The following EPB41L4B variants were observed in gnomAD, a reference collection of about 807,000 sequenced individuals.
EPB41L4B encodes the protein erythrocyte membrane protein band 4.1 like 4B, also known as band 4.1-like protein 4B.
In EPB41L4B, 30 loss-of-function variants were observed where a neutral mutation model predicts 112.5. The observed-to-expected ratio is 0.27, with a 90% CI of 0.20 to 0.36. The LOEUF (loss-of-function observed/expected upper bound fraction) is 0.36, where lower values mean the gene tolerates loss of function less well. Among genes scored for constraint, EPB41L4B ranks in the 10% least tolerant of loss-of-function variants. EPB41L4B has a pLI of 1.00. For missense variants in EPB41L4B, 1,024 were observed against 1,133.3 expected (o/e 0.90, Z 1.38); for synonymous variants, 408 against 439.7 (o/e 0.93, Z 0.90).
chr9:109,311,800 G>A lies in EPB41L4B; in HGVS notation c.306+8341C>T, dbSNP rs11999740. ...GGGAAGAGCACTGGAAAATGAGTCC[G>A]GAAACCTAAATTCAATCTGGCTCTC... On this transcript the variant is annotated intron_variant, in intron 1 of 25. Coordinates refer to ENST00000374566, the MANE Select transcript of EPB41L4B (RefSeq NM_019114.5). Among the ~76,000 whole-genome samples the A allele has an allele frequency of 8.0e-3, 1,219 of 152,264 alleles. 7 individuals carry two copies. Among genetic ancestry groups the A allele is most frequent in the Middle Eastern group, 0.031 (9 of 294 alleles).
At chr9:109,309,566 A>T (rs1389791984) in intron 1 of EPB41L4B, among the ~76,000 whole-genome samples, 6 of 152,150 alleles carry the variant, frequency 3.9e-5, no homozygotes, top group Admixed American at 2.0e-4. Context: ...AAAACAAAAC[A>T]TTCCAGGAAG....
intron 22 of EPB41L4B, among the ~76,000 whole-genome samples, chr9:109,187,033 C>T (rs1046428873): frequency 6.6e-6 from 1 of 152,166 alleles, no homozygotes. Context: ...ACAGCTTGTA[C>T]TGGTGAGGAT....
At chr9:109,217,920 C>CA (rs1382118417) in intron 15 of EPB41L4B, among the ~76,000 whole-genome samples, 1 of 148,988 alleles carries the variant, frequency 6.7e-6, no homozygotes, top group East Asian at 2.0e-4. Flanking sequence ...AAAAAAAAAA[C>CA]AAAAAACAAC....
chr9:109,179,269 G>C (rs1442636526), intron 24 of EPB41L4B, among the ~76,000 whole-genome samples: 2 of 152,224 alleles, frequency 1.3e-5, no homozygotes, highest in East Asian at 3.8e-4. Context: ...ATCAATGCTA[G>C]ATCGACTGCC....
chr9:109,222,229 A>G (rs995134380), intron 15 of EPB41L4B, among the ~76,000 whole-genome samples: 21 of 152,190 alleles, frequency 1.4e-4, no homozygotes, highest in Non-Finnish European at 2.6e-4. Context: ...ACAAATGAAA[A>G]GAGAAATAGA....
intron 22 of EPB41L4B, among the ~76,000 whole-genome samples, chr9:109,188,326 C>A (rs181335574): frequency 2.7e-4 from 41 of 152,258 alleles, no homozygotes; most frequent in African/African-American, 9.1e-4. Flanking sequence ...GACTGAAGAG[C>A]AGCAAGAACC....
chr9:109,185,898 G>A (rs1431843994), intron 22 of EPB41L4B, among the ~76,000 whole-genome samples: 1 of 150,976 alleles, frequency 6.6e-6, no homozygotes, highest in Non-Finnish European at 1.5e-5. Flanking sequence ...CCCAGGCCTG[G>A]TAGGTAGAGG....
In EPB41L4B at chr9:109,192,278, C is replaced by T; in HGVS notation, c.2301G>A (p.Leu767=). ...GGTTTTAGCAAAATAGGAAGTTTAC[C>T]AGAGGAGTGGCTTCTGTGAAATCCA... The part of the protein sequence containing the change: ...LLMDFTEATP[L]AEPASNPHCA... Residue 767 remains leucine (L), a splice_region_variant and synonymous_variant, in exon 22 of 26, where the codon CTG becomes CTA. Coordinates refer to ENST00000374566, the MANE Select transcript of EPB41L4B (RefSeq NM_019114.5). 1.2e-6 allele frequency: 2 copies of T among 1,605,234 alleles called. No individual in the cohort carries two copies. Among genetic ancestry groups the T allele is most frequent in the Non-Finnish European group, 1.7e-6 (2 of 1,176,456 alleles).
chr9:109,252,508 A>G (rs1834827120), intron 12 of EPB41L4B, among the ~76,000 whole-genome samples: 1 of 152,142 alleles, frequency 6.6e-6, no homozygotes, highest in Admixed American at 6.5e-5. Flanking sequence ...AGTGACTAAG[A>G]ATTTCAGGTA....
At chr9:109,185,239 T>C (rs1832211203) in intron 23 of EPB41L4B, among the ~76,000 whole-genome samples, 1 of 152,200 alleles carries the variant, frequency 6.6e-6, no homozygotes. Context: ...CTCATCAAAA[T>C]TCTAGGAAAA....
chr9:109,313,379 G>C lies in EPB41L4B; in HGVS notation c.306+6762C>G, dbSNP rs569477721. Among the ~76,000 whole-genome samples the C allele has an allele frequency of 1.8e-4, 28 of 152,296 alleles. No homozygotes were observed. In the South Asian group the frequency reaches 5.0e-3, roughly 27 times the overall value. ...GACTAGTAAAATTAATCTAGCTCTA[G>C]AGAGAGGCCACAGAGGCTGCAGAAG... On this transcript the variant is annotated intron_variant, in intron 1 of 25. Transcript: ENST00000374566.
chr9:109,230,078 C>A (rs1394829776), intron 15 of EPB41L4B, among the ~76,000 whole-genome samples: 1 of 152,152 alleles, frequency 6.6e-6, no homozygotes, highest in African/African-American at 2.4e-5. Context: ...TTTAAATATT[C>A]ACAGAGCAAA....
In EPB41L4B at chr9:109,194,304, G is replaced by A. The variant is rs754740283; in HGVS notation, c.2139C>T (p.Ser713=). The A allele has an allele frequency of 9.3e-6, 15 of 1,614,194 alleles. 1 individual carries two copies. The highest frequency in any genetic ancestry group is 3.3e-5 in the South Asian group (3 of 91,090). ...TNTTTAATQV[S]VPLPSPKVQN... ...GGACCTTGGGGGACGGCAGCGGCAC[G>A]GAGACTTGTGTGGCGGCCGTTGTGG... The change falls in exon 21 of 26, where the codon TCC becomes TCT. Residue 713 remains serine (S), a synonymous_variant. Transcript: ENST00000374566.
chr9:109,318,911 A>T lies in EPB41L4B; in HGVS notation c.306+1230T>A, dbSNP rs948197266. On this transcript the variant is annotated intron_variant, in intron 1 of 25. Transcript: ENST00000374566. ...CTACACCGGGAAGCGTTAAACTCCA[A>T]GCCAGGCAGGCTCTGATTTTCCCAT... Among the ~76,000 whole-genome samples, 3 of 152,222 alleles carry T rather than the reference A, an allele frequency of 2.0e-5. No homozygotes were observed. In the East Asian group the frequency reaches 5.8e-4, roughly 29 times the overall value.
At chr9:109,264,729 G>C (rs1454829962) in intron 5 of EPB41L4B, among the ~76,000 whole-genome samples, 1 of 152,190 alleles carries the variant, frequency 6.6e-6, no homozygotes, top group African/African-American at 2.4e-5. Flanking sequence ...TGTGATCAGG[G>C]AGAGAGTTAT....
chr9:109,282,563 C>T (rs1474593097), intron 1 of EPB41L4B, among the ~76,000 whole-genome samples: 1 of 152,192 alleles, frequency 6.6e-6, no homozygotes, highest in Non-Finnish European at 1.5e-5. Context: ...CTACTAACAT[C>T]ACAACAGGAG....
chr9:109,277,885 G>C (rs1366446203), intron 2 of EPB41L4B, among the ~76,000 whole-genome samples: 1 of 152,220 alleles, frequency 6.6e-6, no homozygotes, highest in Non-Finnish European at 1.5e-5. Flanking sequence ...GGGACTGGCA[G>C]AATTCTGGAT....
At chr9:109,225,611 G>T (rs1242415992) in intron 15 of EPB41L4B, among the ~76,000 whole-genome samples, 1 of 152,318 alleles carries the variant, frequency 6.6e-6, no homozygotes, top group East Asian at 1.9e-4. Context: ...CAACACTTGG[G>T]GATTGTGGGA....
At chr9:109,269,089 C>A (rs578029350) in intron 2 of EPB41L4B, among the ~76,000 whole-genome samples, 1 of 152,266 alleles carries the variant, frequency 6.6e-6, no homozygotes, top group South Asian at 2.1e-4. Context: ...CTTCTCCAAG[C>A]ATTCCAGGTC....
Sources: allele counts gnomAD v4.1 joint callset (sites outside exome capture counted in the v4.1 genomes callset), GRCh38; gene constraint gnomAD v4.1.1; transcripts MANE v1.5; gene names NCBI Gene and HGNC (gene_info 2026-07-23, HGNC 2026-07-21).